Variants in SARM1 observed in about 807,000 individuals in gnomAD.
SARM1 encodes sterile alpha and TIR motif containing 1.
In SARM1, 60 loss-of-function variants were observed where a neutral mutation model predicts 65.1. The ratio of observed to expected loss-of-function variants is 0.92; its 90% CI spans 0.75 to 1.14. SARM1 has a LOEUF of 1.14. Ranked by LOEUF, SARM1 falls within the 50% of genes most tolerant of loss-of-function variation. SARM1 has a pLI of 0.00. For missense variants in SARM1, 913 were observed against 1,015.7 expected (o/e 0.90, Z 1.37); for synonymous variants, 417 against 465.4 (o/e 0.90, Z 1.34).
At chr17:28,389,618 G>C (rs1174663940) in intron 7 of SARM1, among the ~76,000 whole-genome samples, 1 of 152,186 alleles carries the variant, frequency 6.6e-6, no homozygotes, top group Non-Finnish European at 1.5e-5. Flanking sequence ...GGGCACAGTG[G>C]TTCACACCCG....
intron 7 of SARM1, among the ~76,000 whole-genome samples, chr17:28,390,108 A>G (rs1320460165): frequency 1.3e-5 from 2 of 152,222 alleles, no homozygotes; most frequent in Non-Finnish European, 1.5e-5. Context: ...GACATCAATC[A>G]ATACATTTAA....
rs1027300323 is a variant in SARM1, at chr17:28,383,514, C to T, written c.1090-843C>T. ...GGAGGACCTGCTCTACAAGGCAGGT[C>T]ATTTTGCTTAGGGAAAAGGGTCTTA... On this transcript the variant is annotated intron_variant, in intron 2 of 8. Coordinates refer to ENST00000585482, the MANE Select transcript of SARM1 (RefSeq NM_015077.4). Among the ~76,000 whole-genome samples, 11 of 152,278 alleles carry T rather than the reference C, an allele frequency of 7.2e-5. No homozygotes were observed. In the South Asian group the frequency reaches 8.3e-4, roughly 12 times the overall value.
At chr17:28,394,533 C>T (rs2068098426) in intron 7 of SARM1, among the ~76,000 whole-genome samples, 1 of 152,168 alleles carries the variant, frequency 6.6e-6, no homozygotes, top group Non-Finnish European at 1.5e-5. Flanking sequence ...AGTCACGAGG[C>T]CCAGGCCCCC....
At chr17:28,379,299 CTTTTT>C (rs1193480505) in intron 1 of SARM1, among the ~76,000 whole-genome samples, 4 of 78,360 alleles carry the variant, frequency 5.1e-5, no homozygotes, top group African/African-American at 1.1e-4. Context: ...CCATTTAGAT[CTTTTT>C]TTTTTTTTTT....
intron 1 of SARM1, among the ~76,000 whole-genome samples, chr17:28,377,998 A>T (rs2068002739): frequency 6.6e-6 from 1 of 152,126 alleles, no homozygotes; most frequent in Non-Finnish European, 1.5e-5. Flanking sequence ...GCGCCCGGCC[A>T]TCTGTGGAAG....
rs773355650 is a variant in SARM1 at position 28,399,246 on chromosome 17, G to A, written c.*2960G>A. 6 of 188,566 alleles carry A rather than the reference G, an allele frequency of 3.2e-5. No homozygotes were observed. Among genetic ancestry groups the A allele is most frequent in the Non-Finnish European group, 5.6e-5 (5 of 89,518 alleles). 11.7% of individuals were successfully genotyped at this position (188,566 alleles called of 1,614,324 possible). A position where few individuals can be genotyped will look rare whatever the true frequency, so the allele number is the denominator to read the frequency against. Reference sequence around the variant, plus strand: ...AAGGAATGGCTGATGACTGCTACACGTGTTGGGAACCTGGTTGGGGCTGTG... The same window carrying A: ...AAGGAATGGCTGATGACTGCTACACATGTTGGGAACCTGGTTGGGGCTGTG... On this transcript the variant is annotated 3_prime_UTR_variant, in exon 9 of 9. Transcript: ENST00000585482.
intron 2 of SARM1, among the ~76,000 whole-genome samples, chr17:28,383,377 A>T (rs1364698051): frequency 6.6e-6 from 1 of 152,116 alleles, no homozygotes; most frequent in Non-Finnish European, 1.5e-5. Context: ...CCATCTCAAA[A>T]AAGAAAAAGA....
intron 7 of SARM1, 38 bp from the exon 8 acceptor site, chr17:28,395,867 G>C: frequency 6.2e-7 from 1 of 1,610,894 alleles, no homozygotes; most frequent in South Asian, 1.1e-5. Flanking sequence ...CCCTAGATGG[G>C]TACAGGGGTA....
chr17:28,392,767 A>G (rs553907185), intron 7 of SARM1, among the ~76,000 whole-genome samples: 1 of 152,288 alleles, frequency 6.6e-6, no homozygotes, highest in Non-Finnish European at 1.5e-5. Context: ...TTCCCCAGGA[A>G]GGCTCCACTT....
rs1299083444 is a variant in SARM1 at position 28,372,439 on chromosome 17, C to G, written c.407C>G (p.Pro136Arg). 10 of 1,530,388 alleles carry G rather than the reference C, an allele frequency of 6.5e-6. No homozygotes were observed. The African/African-American group carries it at 8.3e-5, about 13-fold the overall frequency. 94.8% of individuals were successfully genotyped at this position (1,530,388 alleles called of 1,614,324 possible). ...LDLLLRLLQA[P>R]ELETRVQAAR... is the part of the protein sequence containing the mutation. ...CTGCTGTTGCGGCTGCTGCAGGCGC[C>G]GGAGTTGGAGACGCGTGTGCAGGCC... Residue 136 changes from proline to arginine, a missense_variant, in exon 1 of 9, where the codon CCG becomes CGG. By Grantham distance (103) the Pro-to-Arg change is moderately radical. Transcript: ENST00000585482. The surrounding 1 kb of genome is among the most constrained non-coding windows in gnomAD (Gnocchi z 5.2).
At position 28,402,281 on chromosome 17, in the gene SARM1, G is replaced by A. The variant is rs41297095; in HGVS notation, c.*5995G>A. ...CCAGCTTGGAGAGTTTAGCCCGGAT[G>A]ACAGGTGTGATGACTAATGACAGGA... On this transcript the variant is annotated 3_prime_UTR_variant, in exon 9 of 9. Transcript: ENST00000585482. The A allele has an allele frequency of 4.3e-6, 7 of 1,613,520 alleles. No individual in the cohort carries two copies. The Admixed American group carries it at 1.2e-4, about 27-fold the overall frequency.
chr17:28,393,972 T>C (rs1424378351), intron 7 of SARM1, among the ~76,000 whole-genome samples: 1 of 152,090 alleles, frequency 6.6e-6, no homozygotes, highest in Non-Finnish European at 1.5e-5. Context: ...TTGATTGAGC[T>C]CAGATCAGAA....
chr17:28,398,516 CT>C lies in SARM1; in HGVS notation c.*2233del, dbSNP rs1473446837. 1 of 152,462 alleles carries C rather than the reference CT, an allele frequency of 6.6e-6. No homozygotes were observed. The highest frequency in any genetic ancestry group is 6.5e-5 in the Admixed American group (1 of 15,296). 9.4% of individuals were successfully genotyped at this position (152,462 alleles called of 1,614,324 possible). Reference sequence around the variant, plus strand: ...CTGAGACAGAGGACTCAGAAGTGGCCTTTCCTCCAAAGCCTGCTCAGACACA... The same window carrying C: ...CTGAGACAGAGGACTCAGAAGTGGCCTTCCTCCAAAGCCTGCTCAGACACA... On this transcript the variant is annotated 3_prime_UTR_variant, in exon 9 of 9. Transcript: ENST00000585482.
At chr17:28,389,977 C>T (rs1158577760) in intron 7 of SARM1, among the ~76,000 whole-genome samples, 5 of 152,130 alleles carry the variant, frequency 3.3e-5, no homozygotes, top group Admixed American at 6.5e-5. Context: ...AAGGTGTCAA[C>T]GAAAAGAGTC....
rs782465578 is a variant in SARM1 at position 28,385,106 on chromosome 17, G to A, written c.1461G>A (p.Leu487=). The change falls in exon 5 of 9, where the codon CTG becomes CTA. Residue 487 remains leucine (L), a synonymous_variant. Coordinates refer to ENST00000585482, the MANE Select transcript of SARM1 (RefSeq NM_015077.4). The surrounding 1 kb of genome is among the most constrained non-coding windows in gnomAD (Gnocchi z 4.5). ...ANYSTCDRSN[L]ADWLGSLDPR... is the part of the protein sequence containing the mutation. ...ATTCTACGTGCGACCGCAGCAACCT[G>A]GCGGACTGGCTGGGCAGCCTGGACC... 6.2e-7 allele frequency: 1 copy of A among 1,613,864 alleles called. No individual in the cohort carries two copies.
Position 28,381,396 on chromosome 17 carries a change from C to G in SARM1, c.664C>G (p.Leu222Val), listed in dbSNP as rs782546001. The G allele has an allele frequency of 3.6e-5, 56 of 1,554,470 alleles. No individual in the cohort carries two copies. The highest frequency in any genetic ancestry group is 4.3e-5 in the Non-Finnish European group (50 of 1,149,946). ...LYWCRRTDPA[L>V]LRHCALALGN... The stretch of plus-strand genomic sequence containing the variant: ...TTGGTGCCGCCGCACGGACCCCGCG[C>G]TGCTGCGCCACTGCGCGCTGGCGCT... Residue 222 changes from leucine (L) to valine (V), a missense_variant, in exon 2 of 9, where the codon CTG (leucine) becomes GTG (valine). Physicochemically the swap from Leu to Val is conservative, Grantham distance 32. Coordinates refer to ENST00000585482, the MANE Select transcript of SARM1 (RefSeq NM_015077.4).
chr17:28,384,492 G>C lies in SARM1; in HGVS notation c.1225G>C (p.Val409Leu). 1 of 1,613,688 alleles carries C rather than the reference G, an allele frequency of 6.2e-7. No homozygotes were observed. Among genetic ancestry groups the C allele is most frequent in the Non-Finnish European group, 8.5e-7 (1 of 1,179,730 alleles). The change falls in exon 3 of 9, where the codon GTG becomes CTG. Residue 409 changes from valine (V) to leucine (L), a missense_variant. By Grantham distance (32) the Val-to-Leu change is conservative. Around this residue, in one of 3 missense-constraint regions of SARM1, gnomAD observed 862 missense variants for 952.1 expected, o/e 0.91. Transcript: ENST00000585482. This position sits in a 1 kb window ranked among gnomAD's most constrained non-coding sequence, Gnocchi z 4.4. ...EEVPRPILPS[V>L]PSWKEAEVQT... The stretch of plus-strand genomic sequence containing the variant: ...GGTGCCACGGCCCATCCTGCCCTCC[G>C]TGCCCAGCTGGAAGGAGGCCGAGGT...
chr17:28,382,466 G>A (rs192260055), intron 2 of SARM1, among the ~76,000 whole-genome samples: 20 of 152,126 alleles, frequency 1.3e-4, no homozygotes, highest in South Asian at 4.2e-4. Context: ...AGAGGCTTGC[G>A]GCTTGGGACA....
chr17:28,371,712 G>C lies in SARM1; in HGVS notation c.-321G>C, dbSNP rs2067954361. 2 of 252,914 alleles carry C rather than the reference G, an allele frequency of 7.9e-6. No homozygotes were observed. Among genetic ancestry groups the C allele is most frequent in the East Asian group, 1.4e-4 (2 of 14,210 alleles). The allele number at this position is 252,914 out of a possible 1,614,324, so 15.7% of individuals were successfully genotyped here. On this transcript the variant is annotated 5_prime_UTR_variant, in exon 1 of 9. Transcript: ENST00000585482. ...GCCGAGCATCTCCCAGCTCAGCCGA[G>C]CCCGTGCCCAGGCCACGCTTTGTTC...
Sources: gnomAD v4.1 joint callset for allele counts (sites outside exome capture counted in the v4.1 genomes callset) on GRCh38, gnomAD v4.1.1 for gene constraint, gnomAD v4.1.1 regional missense constraint, Gnocchi (gnomAD v3.1) non-coding constraint, MANE v1.5 for transcripts, NCBI Gene and HGNC (gene_info 2026-07-23, HGNC 2026-07-21) for gene names.